RPL7L1: variants seen among roughly 807,000 people sequenced by gnomAD.
RPL7L1 encodes ribosomal protein L7 like 1.
A neutral mutation model predicts 30.3 loss-of-function variants in RPL7L1; 20 were observed. The ratio of observed to expected loss-of-function variants is 0.66; its 90% CI spans 0.46 to 0.96. The LOEUF (loss-of-function observed/expected upper bound fraction) is 0.96, where lower values mean the gene tolerates loss of function less well. RPL7L1 is among the 40% of genes least tolerant of loss of function. The probability of loss-of-function intolerance (pLI) is 0.00; values close to 1 mark genes in which losing one functional copy is unlikely to be tolerated. For missense variants in RPL7L1, 271 were observed against 314.9 expected, an observed-to-expected ratio of 0.86 and a Z score of 1.05; for synonymous variants, 107 against 110.1, an observed-to-expected ratio of 0.97 and a Z score of 0.18.
Position 42,889,299 on chromosome 6 carries a change from A to ATGTGGTGGTGCATGCC in RPL7L1, c.*2839_*2854dup, listed in dbSNP as rs1766390073. 6.6e-6 allele frequency: 1 copy of ATGTGGTGGTGCATGCC among 152,116 alleles called. No individual in the cohort carries two copies. Among genetic ancestry groups the ATGTGGTGGTGCATGCC allele is most frequent in the Admixed American group, 6.6e-5 (1 of 15,238 alleles). 9.4% of individuals were successfully genotyped at this position (152,116 alleles called of 1,614,324 possible). A position where few individuals can be genotyped will look rare whatever the true frequency, so the allele number is the denominator to read the frequency against. On this transcript the variant is annotated 3_prime_UTR_variant, in exon 6 of 6. Coordinates refer to ENST00000493763, the MANE Select transcript of RPL7L1 (RefSeq NM_001366481.3). Reference sequence around the variant, plus strand: ...CTACTGAAAATACAAAATTAGCCGGATGTGGTGGTGCATGCCTGTAATCCC... The same window carrying ATGTGGTGGTGCATGCC: ...CTACTGAAAATACAAAATTAGCCGGATGTGGTGGTGCATGCCTGTGGTGGTGCATGCCTGTAATCCC...
intron 2 of RPL7L1, 103 bp downstream of exon 2, chr6:42,881,069 G>A: frequency 4.4e-6 from 3 of 688,720 alleles, no homozygotes; most frequent in South Asian, 3.1e-5. Context: ...CCCCCCAACG[G>A]TTTGACAGAC....
intron 4 of RPL7L1, chr6:42,885,571 CAAAA>C (rs879641374): frequency 1.5e-5 from 2 of 136,754 alleles, no homozygotes; most frequent in Admixed American, 7.0e-5. Context: ...GACTCCGTCT[CAAAA>C]AAAAAAAAAG....
At chr6:42,886,113 G>A (rs1298501298) in intron 5 of RPL7L1, 30 bp downstream of exon 5, 2 of 1,424,206 alleles carry the variant, frequency 1.4e-6, no homozygotes, top group Admixed American at 1.7e-5. Context: ...GATCAGCTGG[G>A]GCAGAAAGCC....
At position 42,886,749 on chromosome 6, in the gene RPL7L1, ACT is replaced by A; in HGVS notation, c.*286_*287del. 1 of 308,140 alleles carries A rather than the reference ACT, an allele frequency of 3.2e-6. No individual in the cohort carries two copies. Among genetic ancestry groups the A allele is most frequent in the Non-Finnish European group, 6.3e-6 (1 of 158,564 alleles). 19.1% of individuals were successfully genotyped at this position (308,140 alleles called of 1,614,324 possible). On this transcript the variant is annotated 3_prime_UTR_variant, in exon 6 of 6. Transcript: ENST00000493763. ...GGTGGCTCACGCCTGTAATCCCAGC[ACT>A]TTGGGAGGCCAAGGCGGGCAGACCA...
rs1284833908 is a variant in RPL7L1, at chr6:42,888,771, C to G, written c.*2307C>G. On this transcript the variant is annotated 3_prime_UTR_variant, in exon 6 of 6. Coordinates refer to ENST00000493763, the MANE Select transcript of RPL7L1 (RefSeq NM_001366481.3). ...TTAGCACTGTTTGGCTCGTTAGGCC[C>G]CAGGCAGGCAGGCACCTTAATTTTT... 1 of 152,176 alleles carries G rather than the reference C, an allele frequency of 6.6e-6. No homozygotes were observed. The highest frequency in any genetic ancestry group is 1.5e-5 in the Non-Finnish European group (1 of 68,046). The allele number at this position is 152,176 out of a possible 1,614,324, so 9.4% of individuals were successfully genotyped here. A position where few individuals can be genotyped will look rare whatever the true frequency, so the allele number is the denominator to read the frequency against.
Position 42,888,065 on chromosome 6 carries a change from G to T in RPL7L1, c.*1601G>T, listed in dbSNP as rs1766340300. ...TAAAAGCTCAGGATTTGAGAATGAG[G>T]ACCCCTTCGCCAGGAAAACATGTAT... On this transcript the variant is annotated 3_prime_UTR_variant, in exon 6 of 6. Transcript: ENST00000493763. 1 of 151,584 alleles carries T rather than the reference G, an allele frequency of 6.6e-6. No homozygotes were observed. Among genetic ancestry groups the T allele is most frequent in the Admixed American group, 6.6e-5 (1 of 15,188 alleles). The allele number at this position is 151,584 out of a possible 1,614,324, so 9.4% of individuals were successfully genotyped here. A position where few individuals can be genotyped will look rare whatever the true frequency, so the allele number is the denominator to read the frequency against.
rs1202258235 is a variant in RPL7L1 at position 42,886,252 on chromosome 6, T to A, written c.560-4T>A. On this transcript the variant is annotated splice_polypyrimidine_tract_variant and splice_region_variant and intron_variant, in intron 5 of 5. Transcript: ENST00000493763. Reference sequence around the variant, plus strand: ...AAAGGAATCTGTGCTTTTGTGTTTCTTAGGGAAGTTTGGCGTCATTTGCTT... The same window carrying A: ...AAAGGAATCTGTGCTTTTGTGTTTCATAGGGAAGTTTGGCGTCATTTGCTT... 6 of 1,609,300 alleles carry A rather than the reference T, an allele frequency of 3.7e-6. No homozygotes were observed. Among genetic ancestry groups the A allele is most frequent in the Non-Finnish European group, 5.1e-6 (6 of 1,177,504 alleles).
chr6:42,885,820 T>C, intron 4 of RPL7L1, 154 bp from the exon 5 acceptor site: 1 of 587,436 alleles, frequency 1.7e-6, no homozygotes, highest in Non-Finnish European at 3.1e-6. Context: ...CAGGAGTATT[T>C]CCAAGCATTT....
Position 42,880,880 on chromosome 6 carries a change from G to A in RPL7L1, c.61G>A (p.Val21Ile). ...CATCAGGCAAAGAAAAATCCCTTTG[G>A]TTCCAGAAAATCTCCTGAAAAAGAG... is the stretch of plus-strand genomic sequence containing the variant. ...AEQEQRKIPL[V>I]PENLLKKRKA... Residue 21 changes from valine to isoleucine, a missense_variant, in exon 2 of 6, where the codon GTT (valine) becomes ATT (isoleucine). Coordinates refer to ENST00000493763, the MANE Select transcript of RPL7L1 (RefSeq NM_001366481.3). 6.2e-7 allele frequency: 1 copy of A among 1,600,656 alleles called. No individual in the cohort carries two copies. The highest frequency in any genetic ancestry group is 1.1e-5 in the South Asian group (1 of 90,760).
At position 42,889,714 on chromosome 6, in the gene RPL7L1, G is replaced by A. The variant is rs1766403615; in HGVS notation, c.*3250G>A. On this transcript the variant is annotated 3_prime_UTR_variant, in exon 6 of 6. Coordinates refer to ENST00000493763, the MANE Select transcript of RPL7L1 (RefSeq NM_001366481.3). ...AATGGGAGCTAATATTCTCCAACCTGTGTGCCTGACATGATGGTTAAAGGG... is the reference window on the plus strand; with the variant it reads ...AATGGGAGCTAATATTCTCCAACCTATGTGCCTGACATGATGGTTAAAGGG... 6.6e-6 allele frequency: 1 copy of A among 152,224 alleles called. No homozygotes were observed. The allele number at this position is 152,224 out of a possible 1,614,324, so 9.4% of individuals were successfully genotyped here. A position where few individuals can be genotyped will look rare whatever the true frequency, so the allele number is the denominator to read the frequency against.
Position 42,879,934 on chromosome 6 carries a change from A to G in RPL7L1, c.24A>G (p.Arg8=), listed in dbSNP as rs1309677415. 21 of 1,614,044 alleles carry G rather than the reference A, an allele frequency of 1.3e-5. No homozygotes were observed. Among genetic ancestry groups the G allele is most frequent in the Non-Finnish European group, 1.7e-5 (20 of 1,180,004 alleles). MISSCTT[R]KMAEQEQRKI... ...GCATGATCAGTAGCTGCACCACTAGAAAGATGGCGGAGCAAGAGTGAGTGT... is the reference window on the plus strand; with the variant it reads ...GCATGATCAGTAGCTGCACCACTAGGAAGATGGCGGAGCAAGAGTGAGTGT... Residue 8 remains arginine, a synonymous_variant, in exon 1 of 6, where the codon AGA becomes AGG. Transcript: ENST00000493763.
intron 1 of RPL7L1, 158 bp from the exon 2 acceptor site, chr6:42,880,703 G>C (rs760900545): frequency 2.1e-6 from 1 of 469,870 alleles, no homozygotes; most frequent in African/African-American, 2.1e-5. Flanking sequence ...GTAGAAACGG[G>C]GGTTTCACCA....
intron 1 of RPL7L1, chr6:42,880,438 T>C: frequency 4.5e-6 from 1 of 222,316 alleles, no homozygotes; most frequent in East Asian, 1.1e-4. Context: ...TTCAGATACT[T>C]GAAAACAGTA....
At chr6:42,883,179 G>C in intron 2 of RPL7L1, 1 of 249,116 alleles carries the variant, frequency 4.0e-6, no homozygotes, top group Middle Eastern at 1.4e-3. Flanking sequence ...AAATGCTGGC[G>C]TGGAGTTTAA....
chr6:42,889,564 ATTACT>A lies in RPL7L1; in HGVS notation c.*3104_*3108del, dbSNP rs1433425515. The stretch of plus-strand genomic sequence containing the variant: ...ATACTGTAAAACATTGTGAAATCAG[ATTACT>A]TTAAAATGATGTATTACAAAGTTAT... On this transcript the variant is annotated 3_prime_UTR_variant, in exon 6 of 6. Coordinates refer to ENST00000493763, the MANE Select transcript of RPL7L1 (RefSeq NM_001366481.3). The A allele has an allele frequency of 6.6e-6, 1 of 152,656 alleles. No individual in the cohort carries two copies. The highest frequency in any genetic ancestry group is 1.5e-5 in the Non-Finnish European group (1 of 68,052). 9.5% of individuals were successfully genotyped at this position (152,656 alleles called of 1,614,324 possible). A position where few individuals can be genotyped will look rare whatever the true frequency, so the allele number is the denominator to read the frequency against.
intron 1 of RPL7L1, chr6:42,880,445 A>G (rs577668679): frequency 4.5e-6 from 1 of 223,052 alleles, no homozygotes; most frequent in East Asian, 1.1e-4. Context: ...ACTTGAAAAC[A>G]GTAATGTTCC....
Position 42,886,326 on chromosome 6 carries a change from G to A in RPL7L1, c.630G>A (p.Glu210=). The A allele has an allele frequency of 6.2e-7, 1 of 1,609,406 alleles. No homozygotes were observed. Among genetic ancestry groups the A allele is most frequent in the East Asian group, 2.2e-5 (1 of 44,872 alleles). Residue 210 remains glutamate, a synonymous_variant, in exon 6 of 6, where the codon GAG becomes GAA. Coordinates refer to ENST00000493763, the MANE Select transcript of RPL7L1 (RefSeq NM_001366481.3). ...CCTTCCCAGGGAAGCATTTCCAGGA[G>A]ATCTCATGGTTCTTGTGCCCTTTCC... ...EIAFPGKHFQ[E]ISWFLCPFHL...
intron 2 of RPL7L1, chr6:42,883,124 A>G (rs373449167): frequency 9.2e-5 from 17 of 185,352 alleles, no homozygotes; most frequent in South Asian, 2.1e-4. Flanking sequence ...CACCAAGTGT[A>G]TATGGTTTAT....
chr6:42,885,173 C>G (rs969903125), intron 4 of RPL7L1, among the ~76,000 whole-genome samples: 1 of 151,896 alleles, frequency 6.6e-6, no homozygotes, highest in African/African-American at 2.4e-5. Flanking sequence ...ATGGTGAAAC[C>G]CCTGTCTCTA....
Sources: gnomAD v4.1 joint callset for allele counts (sites outside exome capture counted in the v4.1 genomes callset) on GRCh38, gnomAD v4.1.1 for gene constraint, MANE v1.5 for transcripts, NCBI Gene and HGNC (gene_info 2026-07-23, HGNC 2026-07-21) for gene names.